The following NDUFAF6 variants were observed in gnomAD, a reference collection of about 807,000 sequenced individuals.
NDUFAF6 encodes NADH:ubiquinone oxidoreductase complex assembly factor 6.
A neutral mutation model predicts 40.8 loss-of-function variants in NDUFAF6; 45 were observed. The observed-to-expected ratio is 1.10, with a 90% CI of 0.87 to 1.42. NDUFAF6 has a LOEUF of 1.42. Ranked by LOEUF, NDUFAF6 falls within the 40% of genes most tolerant of loss-of-function variation. The pLI is 0.00. For missense variants in NDUFAF6, 435 were observed against 418.5 expected, an observed-to-expected ratio of 1.04 and a Z score of -0.34; for synonymous variants, 185 against 155.9, an observed-to-expected ratio of 1.19 and a Z score of -1.39.
upstream of NDUFAF6, among the ~76,000 whole-genome samples, chr8:95,096,983 A>G (rs896892524): frequency 6.6e-6 from 1 of 152,230 alleles, no homozygotes; most frequent in African/African-American, 2.4e-5. Context: ...AGGGACCTCT[A>G]GCAGCTCATC....
chr8:94,983,109 A>G (rs1263570659), intron 2 of NDUFAF6, among the ~76,000 whole-genome samples: 1 of 152,316 alleles, frequency 6.6e-6, no homozygotes, highest in Admixed American at 6.5e-5. Context: ...AAAAGAAATG[A>G]TATACATGAA....
intron 2 of NDUFAF6, among the ~76,000 whole-genome samples, chr8:94,984,635 G>A (rs995883638): frequency 6.6e-6 from 1 of 152,192 alleles, no homozygotes; most frequent in Non-Finnish European, 1.5e-5. Flanking sequence ...GAGTTGCAAA[G>A]CCTATCCACA....
intron 1 of NDUFAF6, among the ~76,000 whole-genome samples, chr8:94,964,828 A>G (rs1823880227): frequency 6.6e-6 from 1 of 152,194 alleles, no homozygotes; most frequent in Non-Finnish European, 1.5e-5. Flanking sequence ...GGGGACAAAT[A>G]TCCAAACTAT....
chr8:94,927,477 G>A (rs1245197136), intron 1 of NDUFAF6: 1 of 152,130 alleles, frequency 6.6e-6, no homozygotes, highest in African/African-American at 2.4e-5. Context: ...TTGGAAAAAT[G>A]TATAGGAAAT....
chr8:94,932,532 G>A (rs765777263), intron 1 of NDUFAF6, among the ~76,000 whole-genome samples: 6 of 152,194 alleles, frequency 3.9e-5, no homozygotes, highest in Non-Finnish European at 4.4e-5. Flanking sequence ...TGCCGGGCAC[G>A]GTGGCTCACG....
chr8:95,036,394 C>T (rs1347324663), intron 3 of NDUFAF6: 47 of 1,289,290 alleles, frequency 3.6e-5, no homozygotes, highest in East Asian at 5.5e-5. Context: ...CAGAGGCAGG[C>T]CCAGTTTCTG....
chr8:94,969,917 G>A (rs1274204540), intron 1 of NDUFAF6, among the ~76,000 whole-genome samples: 1 of 152,120 alleles, frequency 6.6e-6, no homozygotes. Context: ...AGTAAACAAA[G>A]ATAAAGAAAA....
At chr8:95,104,255 G>A (rs1809747679), downstream of NDUFAF6, among the ~76,000 whole-genome samples, 1 of 152,082 alleles carries the variant, frequency 6.6e-6, no homozygotes. Flanking sequence ...GTTCTTTTGG[G>A]AAAAAAGAGG....
downstream of NDUFAF6, among the ~76,000 whole-genome samples, chr8:95,079,433 A>C (rs1808746204): frequency 6.6e-6 from 1 of 152,228 alleles, no homozygotes; most frequent in South Asian, 2.1e-4. Context: ...TTTTAAGTAC[A>C]TCACTGAGAT....
intron 2 of NDUFAF6, among the ~76,000 whole-genome samples, chr8:95,017,664 G>A (rs1472658590): frequency 6.6e-6 from 1 of 152,188 alleles, no homozygotes; most frequent in African/African-American, 2.4e-5. Context: ...GGCTGGGTAT[G>A]TATTAGAAAA....
chr8:94,989,782 G>A (rs1474101265), intron 2 of NDUFAF6, among the ~76,000 whole-genome samples: 1 of 152,130 alleles, frequency 6.6e-6, no homozygotes, highest in Non-Finnish European at 1.5e-5. Flanking sequence ...TGTTATCCAA[G>A]CTGGAGTGCA....
chr8:94,930,449 A>G (rs766516843), intron 1 of NDUFAF6: 17 of 1,612,338 alleles, frequency 1.1e-5, no homozygotes, highest in Non-Finnish European at 1.4e-5. Context: ...GCACAAACCA[A>G]GAGAAACCAA....
chr8:95,037,142 A>G (rs1428533582), intron 3 of NDUFAF6, among the ~76,000 whole-genome samples: 2 of 152,224 alleles, frequency 1.3e-5, no homozygotes, highest in East Asian at 1.9e-4. Flanking sequence ...TGGGTTCCCC[A>G]TTTCTCTGTA....
At chr8:94,909,840 A>G (rs527638031) in intron 1 of NDUFAF6, among the ~76,000 whole-genome samples, 1 of 151,646 alleles carries the variant, frequency 6.6e-6, no homozygotes, top group South Asian at 2.1e-4. Context: ...ATATATATAT[A>G]TAAAAGAATT....
At chr8:94,953,776 TCTAC>T (rs1024719718), upstream of NDUFAF6, among the ~76,000 whole-genome samples, 1 of 151,064 alleles carries the variant, frequency 6.6e-6, no homozygotes, top group Non-Finnish European at 1.5e-5. Flanking sequence ...GCCTAAATAA[TCTAC>T]CTATTTAAGG....
At chr8:95,028,797 C>T (rs1319082447) in intron 1 of NDUFAF6, among the ~76,000 whole-genome samples, 1 of 152,168 alleles carries the variant, frequency 6.6e-6, no homozygotes, top group East Asian at 1.9e-4. Flanking sequence ...GTTTTTCTCA[C>T]TGTTTCATGT....
intron 1 of NDUFAF6, among the ~76,000 whole-genome samples, chr8:94,923,852 T>TC (rs1388314781): frequency 6.8e-6 from 1 of 147,882 alleles, no homozygotes; most frequent in African/African-American, 2.5e-5. Context: ...ACTAATTTTT[T>TC]TTTTTTTCTG....
chr8:95,035,453 G>A lies in NDUFAF6; in HGVS notation c.298-1G>A. On this transcript the variant is annotated splice_acceptor_variant, in intron 2 of 8. Coordinates refer to ENST00000396124, the MANE Select transcript of NDUFAF6 (RefSeq NM_152416.4). LOFTEE classifies it high-confidence loss of function. ...CTAAAGTTTTTAAACCCTGTTTATA[G>A]GTTAAAGACTCAGTCTCTGAGAAAA... 1.2e-6 allele frequency: 2 copies of A among 1,613,468 alleles called. No individual in the cohort carries two copies. Among genetic ancestry groups the A allele is most frequent in the Non-Finnish European group, 1.7e-6 (2 of 1,179,768 alleles).
upstream of NDUFAF6, among the ~76,000 whole-genome samples, chr8:95,020,502 G>T (rs1827648427): frequency 6.6e-6 from 1 of 152,208 alleles, no homozygotes; most frequent in East Asian, 1.9e-4. Context: ...AGGCAGCCCT[G>T]CAGGCACATG....
Sources: gnomAD v4.1 joint callset for allele counts (sites outside exome capture counted in the v4.1 genomes callset) on GRCh38, gnomAD v4.1.1 for gene constraint, MANE v1.5 for transcripts, NCBI Gene and HGNC (gene_info 2026-07-23, HGNC 2026-07-21) for gene names.